Variants in INPP4B observed in about 807,000 individuals in gnomAD.
The protein encoded by INPP4B is inositol polyphosphate 4-phosphatase type II.
A neutral mutation model predicts 122.5 loss-of-function variants in INPP4B; 55 were observed. The ratio of observed to expected loss-of-function variants is 0.45; its 90% CI spans 0.36 to 0.56. The LOEUF (loss-of-function observed/expected upper bound fraction) is 0.56. Among genes scored for constraint, INPP4B ranks in the 20% least tolerant of loss-of-function variants. The probability of loss-of-function intolerance (pLI) is 0.00; values close to 1 mark genes in which losing one functional copy is unlikely to be tolerated. For synonymous variants in INPP4B, 403 were observed against 388.7 expected, an observed-to-expected ratio of 1.04 and a Z score of -0.43; for missense variants, 1,000 against 1,097.7, an observed-to-expected ratio of 0.91 and a Z score of 1.26.
chr4:142,258,964 A>G (rs1490635950), intron 11 of INPP4B, among the ~76,000 whole-genome samples: 1 of 152,098 alleles, frequency 6.6e-6, no homozygotes, highest in Non-Finnish European at 1.5e-5. Context: ...CAAATGTCCA[A>G]CAGTGATAGA....
At chr4:142,066,941 A>C (rs1363038227) in intron 25 of INPP4B, among the ~76,000 whole-genome samples, 4 of 152,222 alleles carry the variant, frequency 2.6e-5, no homozygotes, top group Non-Finnish European at 5.9e-5. Context: ...CTGCAGACTT[A>C]AACCTCCTTG....
intron 25 of INPP4B, among the ~76,000 whole-genome samples, chr4:142,066,899 G>C (rs149697461): frequency 0.011 from 1,670 of 152,310 alleles, 29 homozygotes; most frequent in African/African-American, 0.037. Context: ...TCTGGGGGCA[G>C]GGCATAGCTG....
At chr4:142,537,691 T>C (rs1481993443) in intron 2 of INPP4B, among the ~76,000 whole-genome samples, 2 of 151,480 alleles carry the variant, frequency 1.3e-5, no homozygotes, top group Non-Finnish European at 2.9e-5. Flanking sequence ...TTGGTTTCAT[T>C]AAACACTTTG....
chr4:142,292,896 T>G (rs551480238), intron 9 of INPP4B, among the ~76,000 whole-genome samples: 1 of 152,210 alleles, frequency 6.6e-6, no homozygotes, highest in Non-Finnish European at 1.5e-5. Context: ...AACACTTCAG[T>G]CAGGTTCAAT....
At position 142,308,264 on chromosome 4, in the gene INPP4B, T is replaced by TA. The variant is rs148520529; in HGVS notation, c.424-2728dup. Among the ~76,000 whole-genome samples the TA allele has an allele frequency of 8.1e-3, 1,230 of 152,310 alleles. 20 individuals carry two copies. The highest frequency in any genetic ancestry group is 0.027 in the African/African-American group (1,133 of 41,580). ...AATGGTCACAAATAATAAAATCTGTTAAAAATCAATCTGGATAACGATGGC... is the reference window on the plus strand; with the variant it reads ...AATGGTCACAAATAATAAAATCTGTTAAAAAATCAATCTGGATAACGATGGC... On this transcript the variant is annotated intron_variant, in intron 8 of 25. Transcript: ENST00000262992.
chr4:142,132,459 AT>A (rs771445917), intron 18 of INPP4B, among the ~76,000 whole-genome samples: 14 of 151,660 alleles, frequency 9.2e-5, no homozygotes, highest in African/African-American at 9.7e-5. Flanking sequence ...CGCAGTCAAT[AT>A]TTTTTTTTAC....
intron 23 of INPP4B, among the ~76,000 whole-genome samples, chr4:142,091,647 A>T (rs148914517): frequency 5.9e-5 from 9 of 152,154 alleles, no homozygotes; most frequent in African/African-American, 2.2e-4. Context: ...TACCTCCCCA[A>T]TGGAACAGAA....
At chr4:142,545,995 G>A (rs1259236942) in intron 2 of INPP4B, among the ~76,000 whole-genome samples, 7 of 151,664 alleles carry the variant, frequency 4.6e-5, no homozygotes, top group African/African-American at 1.7e-4. Flanking sequence ...GTAAACTTGT[G>A]TCATGGGTGT....
chr4:142,699,645 C>T (rs555047790), intron 2 of INPP4B, among the ~76,000 whole-genome samples: 1 of 152,274 alleles, frequency 6.6e-6, no homozygotes, highest in South Asian at 2.1e-4. Flanking sequence ...CTATTAAATA[C>T]TTTTGTCTCC....
At chr4:142,392,471 T>C (rs1007646164) in intron 7 of INPP4B, among the ~76,000 whole-genome samples, 1 of 152,036 alleles carries the variant, frequency 6.6e-6, no homozygotes, top group Non-Finnish European at 1.5e-5. Context: ...AAGCCCAATA[T>C]AGGTGAGAAA....
At chr4:142,096,935 G>A (rs1444071168) in intron 23 of INPP4B, among the ~76,000 whole-genome samples, 8 of 152,214 alleles carry the variant, frequency 5.3e-5, no homozygotes, top group South Asian at 2.1e-4. Context: ...AAGGGTATGT[G>A]AATGACCCCA....
At chr4:142,368,475 A>G (rs998708015) in intron 7 of INPP4B, among the ~76,000 whole-genome samples, 22 of 152,152 alleles carry the variant, frequency 1.4e-4, no homozygotes, top group African/African-American at 5.1e-4. Context: ...ATATCTAAAT[A>G]GCATGTAACC....
rs771675173 is a variant in INPP4B, at chr4:142,160,347, AAG to A, written c.1563+9_1563+10del. ...AAACATTGAGAGGCAAGCGATATAC[AAG>A]AGACTTACCCACTCTTCCTCATCAT... On this transcript the variant is annotated intron_variant, in intron 17 of 25. Transcript: ENST00000262992. The A allele has an allele frequency of 1.4e-6, 2 of 1,469,438 alleles. No individual in the cohort carries two copies. The highest frequency in any genetic ancestry group is 3.8e-5 in the Admixed American group (2 of 53,192). The allele number at this position is 1,469,438 out of a possible 1,614,324, so 91.0% of individuals were successfully genotyped here. A position where few individuals can be genotyped will look rare whatever the true frequency, so the allele number is the denominator to read the frequency against.
At chr4:142,398,401 AATATAT>A (rs1206023677) in intron 7 of INPP4B, among the ~76,000 whole-genome samples, 1,116 of 28,142 alleles carry the variant, frequency 0.04, 19 homozygotes, top group Non-Finnish European at 0.043. Flanking sequence ...AAAAAAAAAA[AATATAT>A]ATATATATAT....
chr4:142,796,400 A>G (rs1025467808), intron 1 of INPP4B, among the ~76,000 whole-genome samples: 1 of 151,954 alleles, frequency 6.6e-6, no homozygotes, highest in African/African-American at 2.4e-5. Context: ...ACAGGGAGAA[A>G]GTTGCTGGAA....
chr4:142,504,890 G>T (rs1393003590), intron 2 of INPP4B, among the ~76,000 whole-genome samples: 1 of 152,064 alleles, frequency 6.6e-6, no homozygotes, highest in Non-Finnish European at 1.5e-5. Flanking sequence ...TACCTTGCTT[G>T]CATGACGTGA....
chr4:142,663,985 A>G (rs372936521), intron 2 of INPP4B, among the ~76,000 whole-genome samples: 2 of 152,336 alleles, frequency 1.3e-5, no homozygotes, highest in African/African-American at 2.4e-5. Context: ...AATGAAATGT[A>G]TCAGAGGAAT....
intron 1 of INPP4B, among the ~76,000 whole-genome samples, chr4:142,809,325 C>T (rs1779223900): frequency 6.6e-6 from 1 of 152,086 alleles, no homozygotes; most frequent in African/African-American, 2.4e-5. Context: ...GACTAAATAG[C>T]AGTGCTAAAT....
At chr4:142,146,189 GA>G (rs1191067221) in intron 17 of INPP4B, among the ~76,000 whole-genome samples, 193 bp from the exon 18 acceptor site, 2 of 152,080 alleles carry the variant, frequency 1.3e-5, no homozygotes, top group Non-Finnish European at 2.9e-5. Context: ...AAGCAAAAAT[GA>G]AGTATTATAA....
Sources: allele counts gnomAD v4.1 joint callset (sites outside exome capture counted in the v4.1 genomes callset), GRCh38; gene constraint gnomAD v4.1.1; transcripts MANE v1.5; gene names NCBI Gene and HGNC (gene_info 2026-07-23, HGNC 2026-07-21).